Variants in FBN2 observed in about 807,000 individuals in gnomAD.
The protein encoded by FBN2 is fibrillin 2.
Under a neutral mutation model 355.6 loss-of-function variants are expected in FBN2, and 105 were observed. The ratio of observed to expected loss-of-function variants is 0.30; its 90% confidence interval spans 0.25 to 0.35. The LOEUF is 0.35. Ranked by LOEUF, FBN2 falls within the 10% of genes least tolerant of loss-of-function variation. FBN2 has a pLI of 1.00. For synonymous variants in FBN2, 1,350 were observed against 1,301.2 expected (o/e 1.04, Z -0.81); for missense variants, 3,280 against 3,758.7 (o/e 0.87, Z 3.33).
At chr5:128,510,002 T>C (rs2127150808) in intron 5 of FBN2, among the ~76,000 whole-genome samples, 1 of 152,328 alleles carries the variant, frequency 6.6e-6, no homozygotes, top group African/African-American at 2.4e-5. Flanking sequence ...AGTATTCTGC[T>C]GAAAACTTGA....
intron 11 of FBN2, among the ~76,000 whole-genome samples, chr5:128,381,128 A>T (rs1454889373): frequency 2.0e-5 from 3 of 152,080 alleles, no homozygotes; most frequent in Non-Finnish European, 2.9e-5. Context: ...AATTTAAATT[A>T]TTTTTTACTA....
At chr5:128,372,343 T>C (rs1751965961) in intron 15 of FBN2, among the ~76,000 whole-genome samples, 2 of 152,346 alleles carry the variant, frequency 1.3e-5, no homozygotes, top group South Asian at 2.1e-4. Context: ...TATTTCAATA[T>C]ACTACTTAAA....
chr5:128,473,990 C>A (rs536566696), intron 5 of FBN2, among the ~76,000 whole-genome samples: 2 of 152,176 alleles, frequency 1.3e-5, no homozygotes, highest in Non-Finnish European at 2.9e-5. Context: ...AAGCACAAGG[C>A]TACTGCTGAC....
At chr5:128,391,142 C>T (rs2126976124) in intron 11 of FBN2, among the ~76,000 whole-genome samples, 1 of 152,298 alleles carries the variant, frequency 6.6e-6, no homozygotes, top group South Asian at 2.1e-4. Context: ...TCAGATTCTA[C>T]ATGGTTAACT....
chr5:128,388,382 G>T (rs1752422106), intron 11 of FBN2, among the ~76,000 whole-genome samples: 1 of 152,130 alleles, frequency 6.6e-6, no homozygotes, highest in East Asian at 1.9e-4. Context: ...TCCTGCCATT[G>T]CATTTAGGAG....
At position 128,312,895 on chromosome 5, in the gene FBN2, G is replaced by A. The variant is rs186025202; in HGVS notation, c.4718-100C>T. ...AAAGGATGAAATTCAAATTTTGTAC[G>A]TTAACATGAAAGGTTCCTTTTAATC... is the stretch of plus-strand genomic sequence containing the variant. On this transcript the variant is annotated intron_variant, in intron 36 of 64. Coordinates refer to ENST00000262464, the MANE Select transcript of FBN2 (RefSeq NM_001999.4). 4,903 of 1,302,370 alleles carry A rather than the reference G, an allele frequency of 3.8e-3. 20 individuals carry two copies. Among genetic ancestry groups the A allele is most frequent in the Admixed American group, 7.6e-3 (455 of 59,588 alleles). 80.7% of individuals were successfully genotyped at this position (1,302,370 alleles called of 1,614,324 possible). A position where few individuals can be genotyped will look rare whatever the true frequency, so the allele number is the denominator to read the frequency against.
intron 42 of FBN2, among the ~76,000 whole-genome samples, chr5:128,306,568 G>A (rs1749887200): frequency 6.6e-6 from 1 of 152,040 alleles, no homozygotes; most frequent in Admixed American, 6.6e-5. Context: ...GTTACAGTGA[G>A]CTGAGATCGC....
intron 46 of FBN2, among the ~76,000 whole-genome samples, chr5:128,302,334 C>T (rs879791215): frequency 6.6e-6 from 1 of 152,184 alleles, no homozygotes; most frequent in Non-Finnish European, 1.5e-5. Flanking sequence ...TAAACGTTTG[C>T]TGTCATTTCT....
chr5:128,442,441 T>C, intron 7 of FBN2: 1 of 449,416 alleles, frequency 2.2e-6, no homozygotes, highest in South Asian at 1.6e-5. Context: ...GTGTACCATT[T>C]CATATTATAT....
chr5:128,499,029 T>C (rs370685378), intron 5 of FBN2, among the ~76,000 whole-genome samples: 135 of 152,212 alleles, frequency 8.9e-4, no homozygotes, highest in African/African-American at 3.2e-3. Context: ...TCGAAGCTAT[T>C]ATAAACATTC....
chr5:128,301,454 T>C lies in FBN2; in HGVS notation c.5974A>G (p.Asn1992Asp), dbSNP rs1437992406. Residue 1992 changes from asparagine to aspartate, a missense_variant, in exon 47 of 65, where the codon AAT becomes GAT. Physicochemically the swap from Asn to Asp is conservative, Grantham distance 23. This residue lies in a region of FBN2 where 2,284 missense variants were observed against 2,749.5 expected (regional missense o/e 0.83). Transcript: ENST00000262464. ...GQVCRNGRCF[N>D]EIGSFKCLCN... ...AGACACTTGAAAGAACCAATTTCAT[T>C]AAAACAACGTCCATTTCTGCACACC... The C allele has an allele frequency of 1.1e-5, 17 of 1,613,328 alleles. No homozygotes were observed. Among genetic ancestry groups the C allele is most frequent in the African/African-American group, 1.3e-5 (1 of 74,894 alleles).
In FBN2 at chr5:128,351,024, G is replaced by A; in HGVS notation, c.2675-19C>T. 6.2e-7 allele frequency: 1 copy of A among 1,614,090 alleles called. No homozygotes were observed. The highest frequency in any genetic ancestry group is 8.5e-7 in the Non-Finnish European group (1 of 1,179,956). ...AGGCTGTCTGAAAAGGAACAGGAAA[G>A]GTTGGGGAGCTCTTACCTCTGAAGA... On this transcript the variant is annotated intron_variant, in intron 20 of 64. Transcript: ENST00000262464.
At chr5:128,286,251 AT>A (rs1207377060) in intron 55 of FBN2, among the ~76,000 whole-genome samples, 1 of 152,180 alleles carries the variant, frequency 6.6e-6, no homozygotes, top group Non-Finnish European at 1.5e-5. Context: ...TGTATATATA[AT>A]TTTTTATATG....
At chr5:128,525,016 C>A (rs1756526296) in intron 4 of FBN2, among the ~76,000 whole-genome samples, 1 of 152,158 alleles carries the variant, frequency 6.6e-6, no homozygotes, top group South Asian at 2.1e-4. Context: ...CCCCTGCCTT[C>A]TCATTCCTGT....
chr5:128,369,204 C>A lies in FBN2; in HGVS notation c.2226G>T (p.Gln742His). The A allele has an allele frequency of 6.2e-7, 1 of 1,614,124 alleles. No individual in the cohort carries two copies. The highest frequency in any genetic ancestry group is 1.6e-4 in the Middle Eastern group (1 of 6,062). Reference protein sequence around the residue: ...NPDYGFGEPCQPCPAKNSAEF... With the variant: ...NPDYGFGEPCHPCPAKNSAEF... ...TACCTGAATTTTTTGCAGGGCATGG[C>A]TGGCAGGGTTCTCCAAAACCATAGT... The change falls in exon 16 of 65, where the codon CAG (glutamine) becomes CAT (histidine). Residue 742 changes from glutamine to histidine, a missense_variant. Gln to His is a conservative substitution (Grantham distance 24, BLOSUM62 0). This residue lies in a region of FBN2 where 2,284 missense variants were observed against 2,749.5 expected (regional missense o/e 0.83). Transcript: ENST00000262464.
chr5:128,489,063 G>C (rs967587073), intron 5 of FBN2, among the ~76,000 whole-genome samples: 2 of 152,104 alleles, frequency 1.3e-5, no homozygotes, highest in African/African-American at 4.8e-5. Context: ...CTAGATCCCT[G>C]AGGAATCGCC....
chr5:128,440,971 G>A (rs1199243865), intron 7 of FBN2, among the ~76,000 whole-genome samples: 1 of 152,146 alleles, frequency 6.6e-6, no homozygotes, highest in Admixed American at 6.6e-5. Flanking sequence ...AATCTGGGGA[G>A]GGGGCCTGAA....
chr5:128,437,901 CT>C (rs1435615046), intron 7 of FBN2, among the ~76,000 whole-genome samples: 1 of 152,038 alleles, frequency 6.6e-6, no homozygotes, highest in African/African-American at 2.4e-5. Flanking sequence ...AGAAATTGAT[CT>C]GTTTTTCTGT....
intron 6 of FBN2, among the ~76,000 whole-genome samples, chr5:128,464,399 G>C (rs1284347158): frequency 1.3e-5 from 2 of 152,104 alleles, no homozygotes; most frequent in African/African-American, 4.8e-5. Flanking sequence ...CTGGGTATTT[G>C]CATGAGTATA....
Sources: allele counts gnomAD v4.1 joint callset (sites outside exome capture counted in the v4.1 genomes callset), GRCh38; gene constraint gnomAD v4.1.1; regional missense constraint gnomAD v4.1.1; transcripts MANE v1.5; gene names NCBI Gene and HGNC (gene_info 2026-07-23, HGNC 2026-07-21).